LPP: variants seen among roughly 807,000 people sequenced by gnomAD.
The protein encoded by LPP is lipoma-preferred partner.
LPP carries 38 observed loss-of-function variants against 60.4 expected under a neutral mutation model. The observed-to-expected ratio is 0.63, with a 90% CI of 0.49 to 0.83. LPP has a LOEUF of 0.83. LPP is among the 40% of genes least tolerant of loss of function. LPP has a pLI of 0.00. For missense variants in LPP, 902 were observed against 783.6 expected (o/e 1.15, Z -1.80); for synonymous variants, 328 against 290.8 (o/e 1.13, Z -1.30).
intron 6 of LPP, chr3:188,584,236 C>T (rs1207434705): frequency 1.3e-5 from 2 of 152,094 alleles, no homozygotes; most frequent in African/African-American, 4.8e-5. Flanking sequence ...AGAAAGTTCA[C>T]AATTTTTAAA....
In LPP at chr3:188,610,194, G is replaced by A. The variant is rs1843398050; in HGVS notation, c.1113+350G>A. Among the ~76,000 whole-genome samples the A allele has an allele frequency of 6.6e-6, 1 of 152,178 alleles. No individual in the cohort carries two copies. The highest frequency in any genetic ancestry group is 2.4e-5 in the African/African-American group (1 of 41,448). On this transcript the variant is annotated intron_variant, in intron 7 of 11. Transcript: ENST00000617246. The surrounding 1 kb of genome is among the most constrained non-coding windows in gnomAD (Gnocchi z 4.4). ...ATTGGTTAAAGCTTCCCTCTGTTGT[G>A]CAGAAACTTCCTCTACACCTTGCAT... is the stretch of plus-strand genomic sequence containing the variant.
chr3:188,476,979 A>G (rs1025727984), intron 4 of LPP, among the ~76,000 whole-genome samples: 1 of 152,222 alleles, frequency 6.6e-6, no homozygotes, highest in African/African-American at 2.4e-5. Flanking sequence ...CACGCTGTAG[A>G]AACGGGAGCA....
chr3:188,216,758 T>G (rs1577341562), intron 1 of LPP, among the ~76,000 whole-genome samples: 1 of 152,172 alleles, frequency 6.6e-6, no homozygotes, highest in East Asian at 1.9e-4. Context: ...ATTATCCCCA[T>G]TTTACTTTTG....
intron 3 of LPP, among the ~76,000 whole-genome samples, chr3:188,389,089 T>A (rs1180029853): frequency 6.6e-6 from 1 of 152,144 alleles, no homozygotes; most frequent in East Asian, 1.9e-4. Flanking sequence ...TAATTTATAT[T>A]TCCCTGATTA....
intron 9 of LPP, among the ~76,000 whole-genome samples, chr3:188,790,518 G>A (rs911343304): frequency 2.0e-5 from 3 of 152,128 alleles, no homozygotes; most frequent in African/African-American, 7.2e-5. Flanking sequence ...ATAAATGTGT[G>A]TGTGTTGTGT....
At chr3:188,484,105 G>A (rs529875049) in intron 4 of LPP, among the ~76,000 whole-genome samples, 3 of 152,196 alleles carry the variant, frequency 2.0e-5, no homozygotes, top group East Asian at 1.9e-4. Context: ...AAGGATGGAC[G>A]TACCTTCTAC....
intron 8 of LPP, among the ~76,000 whole-genome samples, chr3:188,758,934 G>A (rs1195156165): frequency 6.6e-6 from 1 of 152,152 alleles, no homozygotes; most frequent in Non-Finnish European, 1.5e-5. Context: ...TATATCTAAA[G>A]CCCCTAGAAA....
chr3:188,193,698 C>T (rs987468174), intron 1 of LPP, among the ~76,000 whole-genome samples: 3 of 151,472 alleles, frequency 2.0e-5, no homozygotes, highest in African/African-American at 4.9e-5. Context: ...ATAAGAACTT[C>T]GCTGGCTATG....
intron 2 of LPP, among the ~76,000 whole-genome samples, chr3:188,253,260 T>C (rs9844029): frequency 0.36 from 54,941 of 151,988 alleles, 10,773 homozygotes; most frequent in Middle Eastern, 0.47. Context: ...TTTATACTTA[T>C]AGAGACAAAT....
chr3:188,410,031 T>C (rs376427667), intron 4 of LPP, among the ~76,000 whole-genome samples: 30 of 152,178 alleles, frequency 2.0e-4, no homozygotes, highest in African/African-American at 7.2e-4. Flanking sequence ...CTTATGACAA[T>C]GTGTTTTTTA....
intron 7 of LPP, among the ~76,000 whole-genome samples, chr3:188,649,116 A>T (rs947925486): frequency 6.6e-6 from 1 of 152,224 alleles, no homozygotes; most frequent in Non-Finnish European, 1.5e-5. Context: ...AGGATATTCC[A>T]TATTTTAAGT....
At chr3:188,870,265 A>G (rs778938031) in intron 10 of LPP, among the ~76,000 whole-genome samples, 8 of 152,216 alleles carry the variant, frequency 5.3e-5, no homozygotes, top group Non-Finnish European at 1.0e-4. Context: ...GCAGAAATAT[A>G]TAGAACTCCT....
At chr3:188,157,121 T>G (rs578122380) in intron 1 of LPP, among the ~76,000 whole-genome samples, 21 of 152,226 alleles carry the variant, frequency 1.4e-4, no homozygotes, top group Non-Finnish European at 1.5e-4. Flanking sequence ...TTATAGTTGA[T>G]GGCTTAAATC....
At chr3:188,849,180 C>T (rs576556040) in intron 9 of LPP, among the ~76,000 whole-genome samples, 64 of 152,296 alleles carry the variant, frequency 4.2e-4, no homozygotes, top group African/African-American at 1.4e-3. Context: ...TGTGCCATTC[C>T]AGTGCACTGA....
intron 6 of LPP, among the ~76,000 whole-genome samples, chr3:188,591,626 T>G (rs751169622): frequency 6.6e-6 from 1 of 152,170 alleles, no homozygotes; most frequent in Non-Finnish European, 1.5e-5. Context: ...TGCAGTAGCT[T>G]CCAGGCTGGC....
chr3:188,257,612 C>G (rs1732092910), intron 2 of LPP, among the ~76,000 whole-genome samples: 1 of 152,172 alleles, frequency 6.6e-6, no homozygotes, highest in African/African-American at 2.4e-5. Context: ...TTATCTGTTT[C>G]TCACTTTTGT....
chr3:188,715,504 A>G (rs371191400), intron 8 of LPP, among the ~76,000 whole-genome samples: 14 of 152,124 alleles, frequency 9.2e-5, no homozygotes, highest in Admixed American at 3.9e-4. Context: ...GAGTATTAAA[A>G]TGAATAGGAG....
rs546552071 is a variant in LPP, at chr3:188,775,733, G to C, written c.1410+15451G>C. Among the ~76,000 whole-genome samples, 3 of 152,304 alleles carry C rather than the reference G, an allele frequency of 2.0e-5. No homozygotes were observed. In the South Asian group the frequency reaches 6.2e-4, roughly 32 times the overall value. On this transcript the variant is annotated intron_variant, in intron 9 of 11. Transcript: ENST00000617246. ...TTCTGGAATTAACTCCTCATGCACA[G>C]ATCGATAAACCCCACCAACTTGCCA... is the stretch of plus-strand genomic sequence containing the variant.
chr3:188,196,749 G>A (rs1004614127), intron 1 of LPP, among the ~76,000 whole-genome samples: 5 of 152,228 alleles, frequency 3.3e-5, no homozygotes, highest in Non-Finnish European at 5.9e-5. Flanking sequence ...GAGGCAGGAA[G>A]TGGTTTGACC....
Sources: allele counts gnomAD v4.1 joint callset (sites outside exome capture counted in the v4.1 genomes callset), GRCh38; gene constraint gnomAD v4.1.1; non-coding constraint Gnocchi (gnomAD v3.1); transcripts MANE v1.5; gene names NCBI Gene and HGNC (gene_info 2026-07-23, HGNC 2026-07-21).